Variants in TBC1D10A observed in about 807,000 individuals in gnomAD.
TBC1D10A encodes the protein TBC1 domain family member 10A.
Under a neutral mutation model 52.9 loss-of-function variants are expected in TBC1D10A, and 24 were observed. The ratio of observed to expected loss-of-function variants is 0.45; its 90% CI spans 0.33 to 0.64. The LOEUF (loss-of-function observed/expected upper bound fraction) is 0.64, where lower values mean the gene tolerates loss of function less well. TBC1D10A is among the 30% of genes least tolerant of loss of function. The pLI is 0.02. For missense variants in TBC1D10A, 602 were observed against 687.9 expected (o/e 0.88, Z 1.40); for synonymous variants, 278 against 282.9 (o/e 0.98, Z 0.17).
intron 1 of TBC1D10A, 88 bp from the exon 2 acceptor site, chr22:30,304,718 C>T: frequency 6.5e-7 from 1 of 1,536,930 alleles, no homozygotes; most frequent in Non-Finnish European, 8.8e-7. Flanking sequence ...GGTCAGACCT[C>T]CATTCTTCCT....
At chr22:30,308,296 C>A (rs112601689) in intron 1 of TBC1D10A, among the ~76,000 whole-genome samples, 137 of 76,530 alleles carry the variant, frequency 1.8e-3, no homozygotes, top group African/African-American at 4.0e-3. Context: ...GCCTGCATGC[C>A]TGCATGCCTG....
chr22:30,304,609 C>A lies in TBC1D10A; in HGVS notation c.231G>T (p.Glu77Asp). The change falls in exon 2 of 9, where the codon GAG (glutamate) becomes GAT (aspartate). Residue 77 changes from glutamate (E) to aspartate (D), a missense_variant. Physicochemically the swap from Glu to Asp is conservative, Grantham distance 45 (BLOSUM62 2). Around this residue, in one of 3 missense-constraint regions of TBC1D10A, gnomAD observed 201 missense variants for 204.4 expected, o/e 0.98. Transcript: ENST00000215790. ...ACTTGGACTCCCTCTGCCTCAGCAC[C>A]TCCAGGGGTACTTCCTCCAGCCTGT... ...AEGALEEVPL[E>D]VLRQRESKWL... 1 of 1,614,104 alleles carries A rather than the reference C, an allele frequency of 6.2e-7. No individual in the cohort carries two copies. The highest frequency in any genetic ancestry group is 8.5e-7 in the Non-Finnish European group (1 of 1,179,978).
chr22:30,292,790 C>A lies in TBC1D10A; in HGVS notation c.1112G>T (p.Arg371Leu), dbSNP rs201428197. 1.9e-6 allele frequency: 3 copies of A among 1,612,134 alleles called. No homozygotes were observed. Among genetic ancestry groups the A allele is most frequent in the Admixed American group, 3.3e-5 (2 of 59,994 alleles). Residue 371 changes from arginine (R) to leucine (L), a missense_variant, in exon 9 of 9, where the codon CGC becomes CTC. By Grantham distance (102) the Arg-to-Leu change is moderately radical. Coordinates refer to ENST00000215790, the MANE Select transcript of TBC1D10A (RefSeq NM_031937.3). ...IEREHLIQLR[R>L]WQETRGELQC... ...CAGCTCACCCCGGGTCTCCTGCCAG[C>A]GCCGCAGCTGAATGAGGTGTTCGCG...
intron 1 of TBC1D10A, among the ~76,000 whole-genome samples, chr22:30,314,867 A>G (rs1244100086): frequency 6.6e-6 from 1 of 151,822 alleles, no homozygotes; most frequent in African/African-American, 2.4e-5. Context: ...AAACCCACAG[A>G]GGAGGGTGGT....
chr22:30,292,959 CT>C (rs1325093493), intron 8 of TBC1D10A, 108 bp from the exon 9 acceptor site: 1 of 1,248,426 alleles, frequency 8.0e-7, no homozygotes. Context: ...GCCTTGGCCA[CT>C]AAACACTGAC....
At chr22:30,315,847 G>A (rs1930525318) in intron 1 of TBC1D10A, among the ~76,000 whole-genome samples, 1 of 152,190 alleles carries the variant, frequency 6.6e-6, no homozygotes. Flanking sequence ...AACCTGAAAA[G>A]CCTGGTAGGA....
intron 2 of TBC1D10A, among the ~76,000 whole-genome samples, chr22:30,303,100 G>A (rs1039216484): frequency 1.2e-4 from 18 of 152,200 alleles, no homozygotes; most frequent in Non-Finnish European, 1.0e-4. Context: ...GGGCAACATG[G>A]TGAAACCCCA....
At chr22:30,320,386 G>A (rs1486777472) in intron 1 of TBC1D10A, among the ~76,000 whole-genome samples, 1 of 152,042 alleles carries the variant, frequency 6.6e-6, no homozygotes, top group African/African-American at 2.4e-5. Context: ...GCTAACTCCT[G>A]CCCTGGGTGT....
intron 2 of TBC1D10A, 148 bp downstream of exon 2, chr22:30,304,383 T>A: frequency 7.4e-7 from 1 of 1,353,720 alleles, no homozygotes; most frequent in Non-Finnish European, 1.0e-6. Flanking sequence ...CAAGCCAGCT[T>A]CTGTCCTGCA....
At chr22:30,313,922 G>T (rs571162275) in intron 1 of TBC1D10A, among the ~76,000 whole-genome samples, 1 of 152,098 alleles carries the variant, frequency 6.6e-6, no homozygotes, top group Non-Finnish European at 1.5e-5. Flanking sequence ...TCTGCTTGAT[G>T]ATGGCATTTT....
At chr22:30,304,280 G>A (rs527885970) in intron 2 of TBC1D10A, among the ~76,000 whole-genome samples, 67 of 152,332 alleles carry the variant, frequency 4.4e-4, no homozygotes, top group Non-Finnish European at 7.8e-4. Context: ...TGTTATGGCT[G>A]TTGGCTAAGA....
intron 3 of TBC1D10A, 178 bp downstream of exon 3, chr22:30,299,266 C>T (rs1275513566): frequency 6.6e-6 from 4 of 607,456 alleles, no homozygotes; most frequent in South Asian, 4.0e-5. Flanking sequence ...CCAGGAGACA[C>T]AGGTACCCAG....
At position 30,295,816 on chromosome 22, in the gene TBC1D10A, T is replaced by C; in HGVS notation, c.445A>G (p.Lys149Glu). 1 of 1,613,874 alleles carries C rather than the reference T, an allele frequency of 6.2e-7. No individual in the cohort carries two copies. The highest frequency in any genetic ancestry group is 8.5e-7 in the Non-Finnish European group (1 of 1,179,942). The part of the protein sequence containing the change: ...DELDMSPGDP[K>E]WLDVIERDLH... The stretch of plus-strand genomic sequence containing the variant: ...TCACGCTCAATCACGTCCAGCCACT[T>C]GGGGTCCCCAGGGGACATGTCCAGC... Residue 149 changes from lysine to glutamate, a missense_variant, in exon 4 of 9, where the codon AAG (lysine) becomes GAG (glutamate). Lys to Glu is a moderately conservative substitution (Grantham distance 56, BLOSUM62 1). Transcript: ENST00000215790.
intron 3 of TBC1D10A, 62 bp downstream of exon 3, chr22:30,299,382 C>T (rs1009981485): frequency 7.9e-6 from 12 of 1,527,496 alleles, no homozygotes; most frequent in African/African-American, 5.5e-5. Context: ...GGAGGATTGC[C>T]GCCATGGGGA....
rs770904249 is a variant in TBC1D10A, at chr22:30,292,654, G to T, written c.1248C>A (p.Ala416=). Reference sequence around the variant, plus strand: ...GCTTGGCTTTGGAGCCAGGGAGGGGGGCATCTAGGGGCAGGCGGATGGATG... The same window carrying T: ...GCTTGGCTTTGGAGCCAGGGAGGGGTGCATCTAGGGGCAGGCGGATGGATG... ...PSPSIRLPLD[A]PLPGSKAKPK... is the part of the protein sequence containing the mutation. The change falls in exon 9 of 9, where the codon GCC becomes GCA. Residue 416 remains alanine (A), a synonymous_variant. Coordinates refer to ENST00000215790, the MANE Select transcript of TBC1D10A (RefSeq NM_031937.3). 8 of 1,610,746 alleles carry T rather than the reference G, an allele frequency of 5.0e-6. No individual in the cohort carries two copies. Among genetic ancestry groups the T allele is most frequent in the Non-Finnish European group, 6.8e-6 (8 of 1,178,322 alleles).
intron 7 of TBC1D10A, 30 bp downstream of exon 7, chr22:30,293,891 G>C (rs751407764): frequency 6.2e-7 from 1 of 1,606,492 alleles, no homozygotes; most frequent in Non-Finnish European, 8.5e-7. Flanking sequence ...GCTGGGGACA[G>C]GGGTGCTCCC....
intron 1 of TBC1D10A, among the ~76,000 whole-genome samples, chr22:30,313,029 T>C (rs1270470930): frequency 6.6e-6 from 1 of 152,180 alleles, no homozygotes; most frequent in Non-Finnish European, 1.5e-5. Context: ...ACGGGCTGTT[T>C]AGAGAAAGCT....
At chr22:30,313,244 C>G (rs1037523620) in intron 1 of TBC1D10A, among the ~76,000 whole-genome samples, 2 of 152,082 alleles carry the variant, frequency 1.3e-5, no homozygotes, top group Admixed American at 6.6e-5. Context: ...GCAGAGGCAG[C>G]ATTTCATGAG....
At chr22:30,311,888 G>C (rs1166788407) in intron 1 of TBC1D10A, among the ~76,000 whole-genome samples, 2 of 152,106 alleles carry the variant, frequency 1.3e-5, no homozygotes, top group African/African-American at 2.4e-5. Flanking sequence ...CGCCTCCTGG[G>C]CTTAAGCCAT....
Sources: allele counts gnomAD v4.1 joint callset (sites outside exome capture counted in the v4.1 genomes callset), GRCh38; gene constraint gnomAD v4.1.1; regional missense constraint gnomAD v4.1.1; transcripts MANE v1.5; gene names NCBI Gene and HGNC (gene_info 2026-07-23, HGNC 2026-07-21).